Variants in ALDH8A1 observed in about 807,000 individuals in gnomAD.
ALDH8A1 encodes the protein 2-aminomuconic semialdehyde dehydrogenase.
Under a neutral mutation model 43.3 loss-of-function variants are expected in ALDH8A1, and 39 were observed. The observed-to-expected ratio is 0.90, with a 90% CI of 0.70 to 1.18. The LOEUF (loss-of-function observed/expected upper bound fraction) is 1.18, where lower values mean the gene tolerates loss of function less well. ALDH8A1 is among the 50% of genes most tolerant of loss of function. The pLI is 0.00. For synonymous variants in ALDH8A1, 233 were observed against 243.5 expected (o/e 0.96, Z 0.40); for missense variants, 605 against 622.6 (o/e 0.97, Z 0.30).
At chr6:134,923,497 T>C (rs893099226) in intron 6 of ALDH8A1, among the ~76,000 whole-genome samples, 14 of 152,182 alleles carry the variant, frequency 9.2e-5, no homozygotes, top group African/African-American at 3.1e-4. Flanking sequence ...ATTCATCATT[T>C]CCAAAGTGAT....
chr6:134,936,888 A>G lies in ALDH8A1; in HGVS notation c.592+2378T>C, dbSNP rs139156129. 2.0e-3 allele frequency among the ~76,000 whole-genome samples: 312 copies of G among 152,326 alleles called. 1 individual carries two copies. Among genetic ancestry groups the G allele is most frequent in the African/African-American group, 7.3e-3 (303 of 41,568 alleles). ...AAAGCAGTTTAACTGACAAATAGCA[A>G]TTTAGCAAAACTCAGGGGAGGTGGC... On this transcript the variant is annotated intron_variant, in intron 4 of 6. Coordinates refer to ENST00000265605, the MANE Select transcript of ALDH8A1 (RefSeq NM_022568.4).
Position 134,929,107 on chromosome 6 carries a change from A to C in ALDH8A1, c.958T>G (p.Ser320Ala). The change falls in exon 6 of 7, where the codon TCT becomes GCT. Residue 320 changes from serine (S) to alanine (A), a missense_variant. Ser to Ala is a moderately conservative substitution (Grantham distance 99). Transcript: ENST00000265605. ...GCACCTATGCTCACCAGTGGATCAGAGGGAATGCCGACTTTCCACTTTCTG... is the reference window on the plus strand; with the variant it reads ...GCACCTATGCTCACCAGTGGATCAGCGGGAATGCCGACTTTCCACTTTCTG... ...ATRKWKVGIP[S>A]DPLVSIGALI... 1 of 1,614,212 alleles carries C rather than the reference A, an allele frequency of 6.2e-7. No individual in the cohort carries two copies.
intron 6 of ALDH8A1, among the ~76,000 whole-genome samples, chr6:134,922,402 T>A (rs182753106): frequency 1.2e-4 from 18 of 152,300 alleles, no homozygotes; most frequent in African/African-American, 4.3e-4. Flanking sequence ...TTTTTTCTTT[T>A]TTTGAGACAG....
In ALDH8A1 at chr6:134,919,129, C is replaced by T. The variant is rs1232135236; in HGVS notation, c.1012-262G>A. Among the ~76,000 whole-genome samples the T allele has an allele frequency of 5.9e-5, 9 of 152,152 alleles. No individual in the cohort carries two copies. The East Asian group carries it at 1.5e-3, about 26-fold the overall frequency. ...GCCAGGAACTCAGATAAGTGCTTTT[C>T]ATACACTCTCACTTGATTGTCTCAA... On this transcript the variant is annotated intron_variant, in intron 6 of 6. Transcript: ENST00000265605.
intron 4 of ALDH8A1, among the ~76,000 whole-genome samples, chr6:134,937,548 T>C (rs1041084729): frequency 6.6e-6 from 1 of 152,228 alleles, no homozygotes; most frequent in African/African-American, 2.4e-5. Context: ...GAAACTGTCA[T>C]GCAGGCCAGG....
chr6:134,942,356 G>T, intron 3 of ALDH8A1, 53 bp downstream of exon 3: 1 of 1,492,422 alleles, frequency 6.7e-7, no homozygotes, highest in South Asian at 1.4e-5. Context: ...ATAGAATGTT[G>T]TGAGCATCTG....
chr6:134,935,133 C>A (rs1019253823), intron 4 of ALDH8A1, among the ~76,000 whole-genome samples: 4 of 152,214 alleles, frequency 2.6e-5, no homozygotes, highest in Non-Finnish European at 5.9e-5. Context: ...AGCCTGCAGG[C>A]TGCAACCCTT....
intron 6 of ALDH8A1, among the ~76,000 whole-genome samples, chr6:134,926,335 G>T (rs1776883025): frequency 6.6e-6 from 1 of 151,730 alleles, no homozygotes; most frequent in East Asian, 1.9e-4. Flanking sequence ...AAGTAGCTGG[G>T]ATTACAGGCG....
chr6:134,933,948 A>T (rs558820578), intron 4 of ALDH8A1, among the ~76,000 whole-genome samples: 52 of 152,242 alleles, frequency 3.4e-4, no homozygotes, highest in Non-Finnish European at 5.9e-4. Flanking sequence ...ACCTCAAGTG[A>T]TCTGCCCACC....
chr6:134,943,751 C>G, intron 2 of ALDH8A1, 68 bp downstream of exon 2: 1 of 1,577,328 alleles, frequency 6.3e-7, no homozygotes, highest in Non-Finnish European at 8.6e-7. Context: ...CTGATGGCCC[C>G]AAGAGGGATA....
Position 134,918,413 on chromosome 6 carries a change from G to C in ALDH8A1, c.*2C>G. ...CCATAGTGGCTCCACCATTAGCAAA[G>C]ATCAGTGTTTAACGGTGATGGTTTT... On this transcript the variant is annotated 3_prime_UTR_variant, in exon 7 of 7. Transcript: ENST00000265605. 3 of 1,612,818 alleles carry C rather than the reference G, an allele frequency of 1.9e-6. No homozygotes were observed. Among genetic ancestry groups the C allele is most frequent in the South Asian group, 2.2e-5 (2 of 91,006 alleles).
intron 1 of ALDH8A1, among the ~76,000 whole-genome samples, chr6:134,947,100 T>C (rs1012717036): frequency 6.6e-6 from 1 of 152,240 alleles, no homozygotes; most frequent in Non-Finnish European, 1.5e-5. Context: ...ACTCGTTTTT[T>C]ACAAAGCTGC....
intron 6 of ALDH8A1, among the ~76,000 whole-genome samples, chr6:134,925,275 C>A (rs1776864618): frequency 6.6e-6 from 1 of 152,166 alleles, no homozygotes; most frequent in Non-Finnish European, 1.5e-5. Context: ...TCAAGCCAAA[C>A]CTCAAAGGCA....
intron 6 of ALDH8A1, among the ~76,000 whole-genome samples, chr6:134,921,587 T>A (rs1432457919): frequency 6.6e-6 from 1 of 152,168 alleles, no homozygotes; most frequent in Non-Finnish European, 1.5e-5. Context: ...CCTTGGCCAT[T>A]ACAAAACAAC....
At chr6:134,943,431 T>C (rs1192828906) in intron 2 of ALDH8A1, among the ~76,000 whole-genome samples, 1 of 152,240 alleles carries the variant, frequency 6.6e-6, no homozygotes, top group African/African-American at 2.4e-5. Context: ...ACTGCATAAC[T>C]GCTTTTCAAA....
At position 134,932,891 on chromosome 6, in the gene ALDH8A1, G is replaced by A; in HGVS notation, c.734C>T (p.Pro245Leu). The stretch of plus-strand genomic sequence containing the variant: ...CTCCAGGGAGAGCTTTTTGCAGTGG[G>A]GAGCGCTCAGCTGGGTGATCCGCTC... ...TAERITQLSA[P>L]HCKKLSLELG... Residue 245 changes from proline (P) to leucine (L), a missense_variant, in exon 5 of 7, where the codon CCC becomes CTC. By Grantham distance (98) the Pro-to-Leu change is moderately conservative. Transcript: ENST00000265605. 1.2e-6 allele frequency: 2 copies of A among 1,614,216 alleles called. No homozygotes were observed. Among genetic ancestry groups the A allele is most frequent in the Non-Finnish European group, 1.7e-6 (2 of 1,180,044 alleles).
intron 6 of ALDH8A1, among the ~76,000 whole-genome samples, chr6:134,920,110 G>T (rs1204617999): frequency 6.6e-6 from 1 of 152,120 alleles, no homozygotes; most frequent in East Asian, 1.9e-4. Flanking sequence ...ATGGGGTCTT[G>T]CTATGTTGCC....
rs1244687342 is a variant in ALDH8A1 at position 134,949,981 on chromosome 6, T to C, written c.73A>G (p.Ile25Val). The C allele has an allele frequency of 1.9e-6, 3 of 1,613,226 alleles. No homozygotes were observed. Among genetic ancestry groups the C allele is most frequent in the Middle Eastern group, 1.6e-4 (1 of 6,084 alleles). Residue 25 changes from isoleucine (I) to valine (V), a missense_variant, in exon 1 of 7, where the codon ATA becomes GTA. Physicochemically the swap from Ile to Val is conservative, Grantham distance 29. Transcript: ENST00000265605. ...DGKFLPCSSY[I>V]DSYDPSTGEV... ...CCTGTTGATGGGTCGTAAGAATCTA[T>C]ATATGAGCTACAAGGTAAAAATTTT...
chr6:134,929,351 C>T, intron 5 of ALDH8A1, 136 bp from the exon 6 acceptor site: 1 of 811,042 alleles, frequency 1.2e-6, no homozygotes, highest in Non-Finnish European at 1.8e-6. Context: ...GACAAAGTTC[C>T]CACCATGTGG....
Sources: gnomAD v4.1 joint callset for allele counts (sites outside exome capture counted in the v4.1 genomes callset) on GRCh38, gnomAD v4.1.1 for gene constraint, MANE v1.5 for transcripts, NCBI Gene and HGNC (gene_info 2026-07-23, HGNC 2026-07-21) for gene names.